The following PRELID2 variants were observed in gnomAD, a reference collection of about 807,000 sequenced individuals.
PRELID2 encodes PRELI domain containing 2, also known as PRELI domain-containing protein 2.
In PRELID2, 25 loss-of-function variants were observed where a neutral mutation model predicts 28.4. The observed-to-expected ratio is 0.88, with a 90% confidence interval of 0.64 to 1.23. The LOEUF is 1.23. Ranked by LOEUF, PRELID2 falls within the 50% of genes most tolerant of loss-of-function variation. The probability of loss-of-function intolerance (pLI) is 0.00; values close to 1 mark genes in which losing one functional copy is unlikely to be tolerated. For missense variants in PRELID2, 201 were observed against 214.4 expected (o/e 0.94, Z 0.39); for synonymous variants, 76 against 71.6 (o/e 1.06, Z -0.31).
intron 4 of PRELID2, among the ~76,000 whole-genome samples, chr5:145,803,568 G>A (rs1753291806): frequency 6.6e-6 from 1 of 151,858 alleles, no homozygotes; most frequent in African/African-American, 2.4e-5. Flanking sequence ...TCTAAAATGG[G>A]GTTAATAATA....
At chr5:145,478,580 A>G (rs756794038) in intron 1 of PRELID2, among the ~76,000 whole-genome samples, 13 of 152,070 alleles carry the variant, frequency 8.5e-5, no homozygotes, top group Non-Finnish European at 1.0e-4. Context: ...AAAAAAATAT[A>G]AAGTGTCTTC....
chr5:145,434,180 T>G, the PRELID2 span, among the ~76,000 whole-genome samples: 4 of 152,190 alleles, frequency 2.6e-5, no homozygotes, highest in Non-Finnish European at 2.9e-5. Context: ...TGTAGGCCCA[T>G]GAAAACCATC....
intron 5 of PRELID2, among the ~76,000 whole-genome samples, chr5:145,768,391 C>T (rs933244384): frequency 6.6e-6 from 1 of 152,124 alleles, no homozygotes; most frequent in Non-Finnish European, 1.5e-5. Context: ...ATGTACTATG[C>T]ACCTACTACG....
the PRELID2 span, among the ~76,000 whole-genome samples, chr5:145,235,925 T>G: frequency 1.3e-5 from 2 of 152,110 alleles, no homozygotes; most frequent in African/African-American, 4.8e-5. Context: ...ATGTAAAGAA[T>G]TTTGGCTTAA....
intron 1 of PRELID2, among the ~76,000 whole-genome samples, chr5:145,671,492 G>C (rs1010694273): frequency 6.6e-6 from 1 of 152,098 alleles, no homozygotes; most frequent in Non-Finnish European, 1.5e-5. Flanking sequence ...TGACAACAAA[G>C]AGCAGTTGTC....
intron 1 of PRELID2, among the ~76,000 whole-genome samples, chr5:145,665,357 A>AG (rs1483709306): frequency 1.3e-5 from 2 of 152,038 alleles, no homozygotes; most frequent in Non-Finnish European, 2.9e-5. Flanking sequence ...TAAATTGGAA[A>AG]GGGGGGTGGT....
At chr5:145,355,196 C>T in the PRELID2 span, among the ~76,000 whole-genome samples, 2 of 151,928 alleles carry the variant, frequency 1.3e-5, no homozygotes, top group South Asian at 2.1e-4. Flanking sequence ...TAAAAAAATA[C>T]TTTCTTACAT....
chr5:145,286,715 TGTTTGTTTG>T, the PRELID2 span, among the ~76,000 whole-genome samples: 7 of 64,908 alleles, frequency 1.1e-4, no homozygotes, highest in African/African-American at 5.3e-4. Flanking sequence ...TTTTTTTGTT[TGTTTGTTTG>T]TTTTTTTTTT....
At chr5:145,415,557 T>A in the PRELID2 span, among the ~76,000 whole-genome samples, 1 of 150,906 alleles carries the variant, frequency 6.6e-6, no homozygotes, top group Non-Finnish European at 1.5e-5. Context: ...TGCGATAGTT[T>A]ACTGAGAATG....
At chr5:145,325,398 G>A in the PRELID2 span, among the ~76,000 whole-genome samples, 1 of 152,148 alleles carries the variant, frequency 6.6e-6, no homozygotes, top group Non-Finnish European at 1.5e-5. Flanking sequence ...AGAATCCTGA[G>A]CCAAATATCC....
At chr5:145,239,447 G>A in the PRELID2 span, among the ~76,000 whole-genome samples, 23 of 152,112 alleles carry the variant, frequency 1.5e-4, no homozygotes, top group Admixed American at 6.6e-5. Context: ...AGGCCCAGAG[G>A]TATCCTACAC....
the PRELID2 span, among the ~76,000 whole-genome samples, chr5:145,253,704 T>C: frequency 6.6e-6 from 1 of 151,976 alleles, no homozygotes; most frequent in Non-Finnish European, 1.5e-5. Flanking sequence ...GAGGTAGGCA[T>C]ATGTCCCAAA....
At chr5:145,465,418 T>C in the PRELID2 span, among the ~76,000 whole-genome samples, 1 of 152,146 alleles carries the variant, frequency 6.6e-6, no homozygotes, top group Non-Finnish European at 1.5e-5. Context: ...ATGAATTCCA[T>C]TGTGTGATAT....
At chr5:145,665,999 A>G (rs114572325) in intron 1 of PRELID2, among the ~76,000 whole-genome samples, 9,104 of 147,662 alleles carry the variant, frequency 0.062, 436 homozygotes, top group Admixed American at 0.15. Flanking sequence ...AAAAAAAAAA[A>G]AAAGAAAGAA....
At chr5:145,380,358 C>A in the PRELID2 span, among the ~76,000 whole-genome samples, 2,104 of 152,274 alleles carry the variant, frequency 0.014, 43 homozygotes, top group African/African-American at 0.048. Context: ...TGGTGCCTTC[C>A]CTCTGAAGAT....
intron 1 of PRELID2, among the ~76,000 whole-genome samples, chr5:145,720,897 T>C (rs1025539026): frequency 6.6e-6 from 1 of 152,096 alleles, no homozygotes; most frequent in African/African-American, 2.4e-5. Flanking sequence ...TTTACACTTC[T>C]AAGCTTTTTG....
intron 1 of PRELID2, among the ~76,000 whole-genome samples, chr5:145,709,107 G>A (rs1410777337): frequency 1.3e-5 from 2 of 152,134 alleles, no homozygotes; most frequent in Admixed American, 1.3e-4. Flanking sequence ...AACTAGCATA[G>A]GGCAAGACCT....
intron 1 of PRELID2, among the ~76,000 whole-genome samples, chr5:145,705,009 C>T (rs549348393): frequency 4.2e-4 from 64 of 152,278 alleles, no homozygotes; most frequent in African/African-American, 1.4e-3. Flanking sequence ...CAGTCTTTCT[C>T]AATTCCATTT....
At chr5:145,438,572 A>G in the PRELID2 span, among the ~76,000 whole-genome samples, 7 of 152,266 alleles carry the variant, frequency 4.6e-5, no homozygotes, top group African/African-American at 1.7e-4. Context: ...TTTATTATTT[A>G]TTGATAATTC....
Sources: gnomAD v4.1 joint callset for allele counts (sites outside exome capture counted in the v4.1 genomes callset) on GRCh38, gnomAD v4.1.1 for gene constraint, MANE v1.5 for transcripts, NCBI Gene and HGNC (gene_info 2026-07-23, HGNC 2026-07-21) for gene names.